Variants in CCDC88A observed in about 807,000 individuals in gnomAD.
The protein encoded by CCDC88A is girdin.
A neutral mutation model predicts 234.3 loss-of-function variants in CCDC88A; 54 were observed. That is an observed-to-expected ratio of 0.23 (90% CI 0.19 to 0.29). The LOEUF is 0.29. Ranked by LOEUF, CCDC88A falls within the 10% of genes least tolerant of loss-of-function variation. The probability of loss-of-function intolerance (pLI) is 1.00; values close to 1 mark genes in which losing one functional copy is unlikely to be tolerated. For synonymous variants in CCDC88A, 753 were observed against 737.8 expected (o/e 1.02, Z -0.33); for missense variants, 1,832 against 2,123.4 (o/e 0.86, Z 2.70).
At chr2:55,362,555 T>C in intron 6 of CCDC88A, 107 bp from the exon 7 acceptor site, 1 of 834,462 alleles carries the variant, frequency 1.2e-6, no homozygotes. Flanking sequence ...CCATATAAAA[T>C]ATGAAAAGCC....
At chr2:55,339,197 T>A (rs1484652256) in intron 13 of CCDC88A, 6 of 287,170 alleles carry the variant, frequency 2.1e-5, no homozygotes, top group Non-Finnish European at 3.8e-5. Flanking sequence ...GACCTCAGGT[T>A]ATCCATCTGC....
chr2:55,386,724 G>A lies in CCDC88A; in HGVS notation c.273+2054C>T, dbSNP rs1203679237. 4.6e-5 allele frequency among the ~76,000 whole-genome samples: 7 copies of A among 151,186 alleles called. No homozygotes were observed. In the East Asian group the frequency reaches 1.4e-3, roughly 30 times the overall value. On this transcript the variant is annotated intron_variant, in intron 3 of 32. Coordinates refer to ENST00000436346, the MANE Select transcript of CCDC88A (RefSeq NM_001365480.1). ...TGACCTCAAGTGATCCGCCCACCTC[G>A]GCCTCCCAAAGTGCTGGGATTACAG...
rs899059647 is a variant in CCDC88A at position 55,290,391 on chromosome 2, T to TA, written c.*808dup. ...CCAATACCAAAGAAAAGAAATGAGTTAAAGCACAACAGCTTTATCTTGGGA... is the reference window on the plus strand; with the variant it reads ...CCAATACCAAAGAAAAGAAATGAGTTAAAAGCACAACAGCTTTATCTTGGGA... On this transcript the variant is annotated 3_prime_UTR_variant, in exon 33 of 33. Coordinates refer to ENST00000436346, the MANE Select transcript of CCDC88A (RefSeq NM_001365480.1). The TA allele has an allele frequency of 1.3e-5, 2 of 152,046 alleles. No homozygotes were observed. The highest frequency in any genetic ancestry group is 4.8e-5 in the African/African-American group (2 of 41,442). The allele number at this position is 152,046 out of a possible 1,614,324, so 9.4% of individuals were successfully genotyped here. A position where few individuals can be genotyped will look rare whatever the true frequency, so the allele number is the denominator to read the frequency against.
intron 2 of CCDC88A, chr2:55,417,705 GCA>G (rs1372272704): frequency 1.3e-5 from 2 of 151,964 alleles, no homozygotes; most frequent in African/African-American, 4.8e-5. Flanking sequence ...ATCTCTTTGA[GCA>G]CACAGAGAAG....
chr2:55,329,329 A>T (rs1684649210), intron 16 of CCDC88A: 1 of 152,208 alleles, frequency 6.6e-6, no homozygotes, highest in Non-Finnish European at 1.5e-5. Flanking sequence ...CCTGAAGACA[A>T]CACTAAATAA....
chr2:55,375,095 T>C (rs1673421691), intron 3 of CCDC88A, among the ~76,000 whole-genome samples: 1 of 152,110 alleles, frequency 6.6e-6, no homozygotes, highest in Non-Finnish European at 1.5e-5. Context: ...CAGTTAATAA[T>C]ATATGAGGCT....
chr2:55,318,249 TTAAA>T (rs1221571680), intron 19 of CCDC88A, among the ~76,000 whole-genome samples: 1 of 152,126 alleles, frequency 6.6e-6, no homozygotes, highest in East Asian at 1.9e-4. Context: ...AGAGTCCAAA[TTAAA>T]TAAGTATTTT....
intron 13 of CCDC88A, chr2:55,339,208 C>T: frequency 3.1e-6 from 1 of 325,944 alleles, no homozygotes; most frequent in Non-Finnish European, 5.5e-6. Context: ...ATCCATCTGC[C>T]TTGGCCTCCC....
chr2:55,402,427 T>C (rs1678858092), intron 2 of CCDC88A, among the ~76,000 whole-genome samples: 1 of 152,150 alleles, frequency 6.6e-6, no homozygotes, highest in African/African-American at 2.4e-5. Flanking sequence ...AGGAAAATTA[T>C]TTGATTGGCA....
At chr2:55,331,423 T>C (rs2589066) in intron 16 of CCDC88A, among the ~76,000 whole-genome samples, 59,806 of 152,080 alleles carry the variant, frequency 0.39, 12,484 homozygotes, top group East Asian at 0.85. Context: ...CTATTTACTT[T>C]GAACATTCTG....
chr2:55,362,238 A>C, intron 7 of CCDC88A, 70 bp downstream of exon 7: 1 of 1,209,436 alleles, frequency 8.3e-7, no homozygotes, highest in Non-Finnish European at 1.1e-6. Context: ...GTTTCTGAAA[A>C]GTTCCTAAAG....
chr2:55,372,674 C>T (rs10496042), intron 4 of CCDC88A, among the ~76,000 whole-genome samples, 164 bp from the exon 5 acceptor site: 46,102 of 151,952 alleles, frequency 0.3, 7,406 homozygotes, highest in East Asian at 0.54. Context: ...TGTATGTACA[C>T]GGTGGTAACA....
Position 55,298,158 on chromosome 2 carries a change from T to C in CCDC88A, c.4826-1635A>G, listed in dbSNP as rs1046231421. On this transcript the variant is annotated intron_variant, in intron 29 of 32. Coordinates refer to ENST00000436346, the MANE Select transcript of CCDC88A (RefSeq NM_001365480.1). Reference sequence around the variant, plus strand: ...GGATTTGTTTTGATCACGAACAAACTGTACATCAAAACAGAAAATGCAACT... The same window carrying C: ...GGATTTGTTTTGATCACGAACAAACCGTACATCAAAACAGAAAATGCAACT... Among the ~76,000 whole-genome samples the C allele has an allele frequency of 1.1e-4, 16 of 152,294 alleles. 1 individual carries two copies. Among genetic ancestry groups the C allele is most frequent in the African/African-American group, 3.8e-4 (16 of 41,560 alleles).
intron 22 of CCDC88A, chr2:55,314,375 G>T (rs1284302920): frequency 6.6e-6 from 1 of 152,198 alleles, no homozygotes; most frequent in Admixed American, 6.5e-5. Flanking sequence ...ATAGACAACT[G>T]ATAAAGCATA....
chr2:55,381,898 A>G (rs1356589402), intron 3 of CCDC88A, among the ~76,000 whole-genome samples: 1 of 152,230 alleles, frequency 6.6e-6, no homozygotes, highest in Non-Finnish European at 1.5e-5. Context: ...ATACACAGAA[A>G]TGACAGTCCC....
chr2:55,402,346 C>T (rs539464611), intron 2 of CCDC88A, among the ~76,000 whole-genome samples: 2 of 152,164 alleles, frequency 1.3e-5, no homozygotes, highest in African/African-American at 4.8e-5. Context: ...CTTCTGCATT[C>T]GGTGGTTGTG....
At chr2:55,342,267 G>T (rs901181015) in intron 12 of CCDC88A, among the ~76,000 whole-genome samples, 1 of 152,042 alleles carries the variant, frequency 6.6e-6, no homozygotes, top group African/African-American at 2.4e-5. Context: ...TTTCTGGAAA[G>T]TCCCTTGTAT....
In CCDC88A at chr2:55,355,794, G is replaced by A. The variant is rs747195766; in HGVS notation, c.628-43C>T. On this transcript the variant is annotated intron_variant, in intron 7 of 32. Coordinates refer to ENST00000436346, the MANE Select transcript of CCDC88A (RefSeq NM_001365480.1). ...ATCACTTTCAGTATTCTACATATTA[G>A]CAAACTAAACACATCAACATGATCC... 12 of 1,507,786 alleles carry A rather than the reference G, an allele frequency of 8.0e-6. No homozygotes were observed. In the East Asian group the frequency reaches 2.7e-4, roughly 34 times the overall value. The allele number at this position is 1,507,786 out of a possible 1,614,324, so 93.4% of individuals were successfully genotyped here.
intron 12 of CCDC88A, among the ~76,000 whole-genome samples, chr2:55,342,304 C>T (rs1668606620): frequency 6.6e-6 from 1 of 152,046 alleles, no homozygotes; most frequent in African/African-American, 2.4e-5. Context: ...ACTACATACA[C>T]CACAGTAAAG....
Sources: gnomAD v4.1 joint callset for allele counts (sites outside exome capture counted in the v4.1 genomes callset) on GRCh38, gnomAD v4.1.1 for gene constraint, MANE v1.5 for transcripts, NCBI Gene and HGNC (gene_info 2026-07-23, HGNC 2026-07-21) for gene names.